The following MRE11 variants were observed in gnomAD, a reference collection of about 807,000 sequenced individuals.
The protein encoded by MRE11 is MRE11 double strand break repair nuclease.
A neutral mutation model predicts 91.7 loss-of-function variants in MRE11; 62 were observed. The ratio of observed to expected loss-of-function variants is 0.68; its 90% confidence interval spans 0.55 to 0.84. MRE11 has a LOEUF of 0.84. Among genes scored for constraint, MRE11 ranks in the 40% least tolerant of loss-of-function variants. The pLI, the probability that MRE11 is intolerant of heterozygous loss-of-function variation, is 0.00. For synonymous variants in MRE11, 273 were observed against 271.4 expected (o/e 1.01, Z -0.06); for missense variants, 796 against 852.9 (o/e 0.93, Z 0.83).
At chr11:94,429,013 T>C (rs1225121305) in intron 19 of MRE11, among the ~76,000 whole-genome samples, 2 of 151,940 alleles carry the variant, frequency 1.3e-5, no homozygotes, top group Non-Finnish European at 2.9e-5. Context: ...ATCAAATAAC[T>C]GCATCAGAAA....
chr11:94,467,369 A>G (rs1223585798), intron 10 of MRE11, among the ~76,000 whole-genome samples: 1 of 151,908 alleles, frequency 6.6e-6, no homozygotes, highest in Non-Finnish European at 1.5e-5. Flanking sequence ...AGAAGAAAAG[A>G]GGAAGCAGAA....
At chr11:94,459,926 G>C (rs182430347) in intron 12 of MRE11, among the ~76,000 whole-genome samples, 47 of 152,224 alleles carry the variant, frequency 3.1e-4, no homozygotes, top group African/African-American at 1.1e-3. Context: ...TGGCAAAGAG[G>C]AACAAAGGTT....
chr11:94,493,769 A>AAAC (rs1947359130), intron 1 of MRE11, 22 bp downstream of exon 1: 1 of 152,288 alleles, frequency 6.6e-6, no homozygotes, highest in African/African-American at 2.4e-5. Flanking sequence ...CGTGAAAAGA[A>AAAC]AACAACACGG....
At chr11:94,490,361 A>G (rs1445877222) in intron 3 of MRE11, among the ~76,000 whole-genome samples, 1 of 152,208 alleles carries the variant, frequency 6.6e-6, no homozygotes, top group Non-Finnish European at 1.5e-5. Flanking sequence ...AGCCCAAGTT[A>G]AACACAACCT....
At chr11:94,456,143 C>T (rs1946243134) in intron 14 of MRE11, 133 bp downstream of exon 14, 1 of 728,838 alleles carries the variant, frequency 1.4e-6, no homozygotes, top group African/African-American at 1.8e-5. Flanking sequence ...CAACCAAAAG[C>T]AGCCATCCTA....
chr11:94,487,586 C>T (rs1358776125), intron 3 of MRE11, among the ~76,000 whole-genome samples: 2 of 152,190 alleles, frequency 1.3e-5, no homozygotes, highest in African/African-American at 2.4e-5. Flanking sequence ...ATCCTGGACA[C>T]CACCAACCAG....
At chr11:94,474,778 A>G (rs948343368) in intron 7 of MRE11, among the ~76,000 whole-genome samples, 1 of 152,144 alleles carries the variant, frequency 6.6e-6, no homozygotes, top group Non-Finnish European at 1.5e-5. Context: ...GTGACTACCC[A>G]TTCCCCTTAC....
In MRE11 at chr11:94,447,440, T is replaced by C; in HGVS notation, c.1564-2A>G. ...GAGTGCTCTGGCCCTGGTCATAGCC[T>C]AAGAGGGAGAAGAAGGAGAAAGTAC... On this transcript the variant is annotated splice_acceptor_variant, in intron 14 of 19. Transcript: ENST00000323929. LOFTEE classifies it high-confidence loss of function. The C allele has an allele frequency of 6.2e-7, 1 of 1,613,576 alleles. No homozygotes were observed. Among genetic ancestry groups the C allele is most frequent in the Non-Finnish European group, 8.5e-7 (1 of 1,179,532 alleles).
At chr11:94,432,303 C>T (rs959816621) in intron 18 of MRE11, among the ~76,000 whole-genome samples, 5 of 152,206 alleles carry the variant, frequency 3.3e-5, no homozygotes, top group Non-Finnish European at 7.3e-5. Flanking sequence ...AAGGCCAGTA[C>T]GGCCTTCTGC....
chr11:94,442,213 A>G (rs1321112016), intron 16 of MRE11, among the ~76,000 whole-genome samples: 3 of 152,166 alleles, frequency 2.0e-5, no homozygotes, highest in South Asian at 2.1e-4. Flanking sequence ...ATGAAGCCCA[A>G]TAATTGCTAA....
At chr11:94,499,030 T>C in the MRE11 span, 1 of 154,232 alleles carries the variant, frequency 6.5e-6, no homozygotes, top group African/African-American at 2.4e-5. Context: ...TATTAGTGAC[T>C]TGAATCTTCA....
At chr11:94,481,488 C>A (rs1036399211) in intron 4 of MRE11, among the ~76,000 whole-genome samples, 21 of 152,120 alleles carry the variant, frequency 1.4e-4, no homozygotes, top group African/African-American at 5.1e-4. Context: ...TGACTTCTGG[C>A]TTTGCTTCAG....
At position 94,470,500 on chromosome 11, in the gene MRE11, G is replaced by C. The variant is rs1437693931; in HGVS notation, c.988C>G (p.Gln330Glu). Residue 330 changes from glutamine (Q) to glutamate (E), a missense_variant, in exon 9 of 20, where the codon CAA becomes GAA. By Grantham distance (29) the Gln-to-Glu change is conservative. Coordinates refer to ENST00000323929, the MANE Select transcript of MRE11 (RefSeq NM_005591.4). ...IFNPDNPKVT[Q>E]AIQSFCLEKI... Reference sequence around the variant, plus strand: ...TCCAAACAGAAGCTTTGTATGGCTTGGGTTACTTTAGGATTATCTGGGTTA... The same window carrying C: ...TCCAAACAGAAGCTTTGTATGGCTTCGGTTACTTTAGGATTATCTGGGTTA... 6.2e-7 allele frequency: 1 copy of C among 1,612,968 alleles called. No individual in the cohort carries two copies. Among genetic ancestry groups the C allele is most frequent in the Non-Finnish European group, 8.5e-7 (1 of 1,179,230 alleles).
At chr11:94,504,925 G>C in the MRE11 span, among the ~76,000 whole-genome samples, 1 of 152,242 alleles carries the variant, frequency 6.6e-6, no homozygotes, top group African/African-American at 2.4e-5. Flanking sequence ...TCAGGCTTGG[G>C]TAAATGATGT....
chr11:94,498,005 A>G (rs1386224375), upstream of MRE11: 9 of 1,252,988 alleles, frequency 7.2e-6, no homozygotes, highest in Non-Finnish European at 9.8e-6. Flanking sequence ...ACACCACAAG[A>G]CAATTTTGTT....
At chr11:94,462,475 A>T (rs1946446177) in intron 11 of MRE11, among the ~76,000 whole-genome samples, 1 of 152,162 alleles carries the variant, frequency 6.6e-6, no homozygotes, top group Admixed American at 6.5e-5. Context: ...TGCCAAGACA[A>T]TCCTAAGCAA....
At chr11:94,503,533 C>CA in the MRE11 span, among the ~76,000 whole-genome samples, 26 of 151,684 alleles carry the variant, frequency 1.7e-4, no homozygotes, top group Admixed American at 1.7e-3. Flanking sequence ...ACTAAAAATA[C>CA]AAAAAAATTA....
chr11:94,472,892 A>C (rs1156876009), intron 7 of MRE11: 4 of 152,154 alleles, frequency 2.6e-5, no homozygotes, highest in Non-Finnish European at 5.9e-5. Context: ...CAAGATGTAT[A>C]TGCATGTGTG....
In MRE11 at chr11:94,437,232, A is replaced by T; in HGVS notation, c.1871T>A (p.Phe624Tyr). Residue 624 changes from phenylalanine (F) to tyrosine (Y), a missense_variant, in exon 17 of 20, where the codon TTT becomes TAT. By Grantham distance (22) the Phe-to-Tyr change is conservative. Transcript: ENST00000323929. ...ASRNMSIIDAFKSTRQQPSRN... is the reference protein window; with the variant it reads ...ASRNMSIIDAYKSTRQQPSRN... ...GGAAGGCTGCTGTCTTGTAGATTTA[A>T]AGGCTAGAATGAAAAAGATGAAATG... The T allele has an allele frequency of 6.2e-7, 1 of 1,612,648 alleles. No individual in the cohort carries two copies.
Sources: gnomAD v4.1 joint callset for allele counts (sites outside exome capture counted in the v4.1 genomes callset) on GRCh38, gnomAD v4.1.1 for gene constraint, MANE v1.5 for transcripts, NCBI Gene and HGNC (gene_info 2026-07-23, HGNC 2026-07-21) for gene names.